The following UBXN4 variants were observed in gnomAD, a reference collection of about 807,000 sequenced individuals.
UBXN4 encodes the protein UBX domain protein 4, also known as UBX domain-containing protein 4.
Under a neutral mutation model 66.2 loss-of-function variants are expected in UBXN4, and 35 were observed. The observed-to-expected ratio is 0.53, with a 90% confidence interval of 0.40 to 0.70. The LOEUF (loss-of-function observed/expected upper bound fraction) is 0.70, where lower values mean the gene tolerates loss of function less well. Ranked by LOEUF, UBXN4 falls within the 30% of genes least tolerant of loss-of-function variation. The pLI, the probability that UBXN4 is intolerant of heterozygous loss-of-function variation, is 0.00. For synonymous variants in UBXN4, 203 were observed against 204.5 expected (o/e 0.99, Z 0.06); for missense variants, 533 against 599.8 (o/e 0.89, Z 1.16).
At chr2:135,758,558 C>T (rs4954604) in intron 5 of UBXN4, among the ~76,000 whole-genome samples, 148,251 of 152,094 alleles carry the variant, frequency 0.97, 72,360 homozygotes, top group East Asian at 1. Context: ...TTCAAACATA[C>T]ATAGAAGTAG....
chr2:135,750,130 A>G (rs2077232897), intron 2 of UBXN4, among the ~76,000 whole-genome samples: 1 of 152,208 alleles, frequency 6.6e-6, no homozygotes, highest in Non-Finnish European at 1.5e-5. Context: ...ATCATTACCT[A>G]AAAACATTAT....
intron 1 of UBXN4, 111 bp from the exon 2 acceptor site, chr2:135,748,156 A>G: frequency 1.4e-6 from 1 of 713,284 alleles, no homozygotes. Flanking sequence ...ATTTGGCAGA[A>G]AGTGGTATAG....
At chr2:135,780,490 G>T (rs2077443185) in intron 12 of UBXN4, 105 bp downstream of exon 12, 3 of 1,007,934 alleles carry the variant, frequency 3.0e-6, no homozygotes, top group Admixed American at 2.1e-5. Context: ...GTCCTCTCCA[G>T]TTCCCACGGT....
chr2:135,742,113 G>A (rs892699751), intron 1 of UBXN4, 102 bp downstream of exon 1: 2 of 1,356,638 alleles, frequency 1.5e-6, no homozygotes, highest in African/African-American at 2.9e-5. Context: ...CGAGACGCGG[G>A]CTCCTGTCGG....
At chr2:135,743,981 CTCTG>C (rs2077192847) in intron 1 of UBXN4, among the ~76,000 whole-genome samples, 3 of 152,136 alleles carry the variant, frequency 2.0e-5, no homozygotes, top group Admixed American at 6.5e-5. Flanking sequence ...ACAAAGGAGT[CTCTG>C]TCTGTCCCTT....
Position 135,742,329 on chromosome 2 carries a change from G to A in UBXN4, c.82+318G>A, listed in dbSNP as rs1397236186. 2.6e-5 allele frequency among the ~76,000 whole-genome samples: 4 copies of A among 152,152 alleles called. No individual in the cohort carries two copies. In the East Asian group the frequency reaches 5.9e-4, roughly 22 times the overall value. Reference sequence around the variant, plus strand: ...GGTTCGTTTGAGATACAGTGGGCCTGGCCCCACCGCTGCGTCTCCCGGCAG... The same window carrying A: ...GGTTCGTTTGAGATACAGTGGGCCTAGCCCCACCGCTGCGTCTCCCGGCAG... On this transcript the variant is annotated intron_variant, in intron 1 of 12. Transcript: ENST00000272638.
At chr2:135,742,303 CG>C (rs1231516563) in intron 1 of UBXN4, among the ~76,000 whole-genome samples, 1 of 152,170 alleles carries the variant, frequency 6.6e-6, no homozygotes, top group Admixed American at 6.5e-5. Flanking sequence ...AGCGCCTCCC[CG>C]GTTCGTTTGA....
chr2:135,783,539 C>G lies in UBXN4; in HGVS notation c.*652C>G, dbSNP rs2077462939. The G allele has an allele frequency of 6.6e-6, 1 of 151,912 alleles. No homozygotes were observed. The highest frequency in any genetic ancestry group is 2.4e-5 in the African/African-American group (1 of 41,332). 9.4% of individuals were successfully genotyped at this position (151,912 alleles called of 1,614,324 possible). ...CCCTGGAGCTGTCTCTGGAAAGTAG[C>G]TGGCGAGGTTACCTTAACTATCACT... On this transcript the variant is annotated 3_prime_UTR_variant, in exon 13 of 13. Transcript: ENST00000272638.
rs893359730 is a variant in UBXN4 at position 135,783,245 on chromosome 2, A to G, written c.*358A>G. Reference sequence around the variant, plus strand: ...CTTTGCTCCAAGACTCTTAAGCCCAAAGTAACTGGTATGTCACTGAGTAAC... The same window carrying G: ...CTTTGCTCCAAGACTCTTAAGCCCAGAGTAACTGGTATGTCACTGAGTAAC... On this transcript the variant is annotated 3_prime_UTR_variant, in exon 13 of 13. Transcript: ENST00000272638. 1 of 158,952 alleles carries G rather than the reference A, an allele frequency of 6.3e-6. No individual in the cohort carries two copies. 9.8% of individuals were successfully genotyped at this position (158,952 alleles called of 1,614,324 possible). A position where few individuals can be genotyped will look rare whatever the true frequency, so the allele number is the denominator to read the frequency against.
chr2:135,753,428 G>A (rs1033033259), intron 2 of UBXN4, 111 bp from the exon 3 acceptor site: 7 of 792,874 alleles, frequency 8.8e-6, no homozygotes, highest in Non-Finnish European at 9.3e-6. Flanking sequence ...GAAAGAAACT[G>A]GTAGTTGCAG....
intron 6 of UBXN4, among the ~76,000 whole-genome samples, chr2:135,767,746 T>C (rs2077357060): frequency 6.6e-6 from 1 of 152,230 alleles, no homozygotes; most frequent in East Asian, 1.9e-4. Context: ...TTGGTGAACA[T>C]GTGTACACAT....
chr2:135,745,874 A>ACTTTTTTTT (rs2077204199), intron 1 of UBXN4, among the ~76,000 whole-genome samples: 1 of 13,904 alleles, frequency 7.2e-5, no homozygotes, highest in African/African-American at 1.5e-4. Flanking sequence ...AGTCCCGTTT[A>ACTTTTTTTT]CTTTTTTTTT....
intron 9 of UBXN4, among the ~76,000 whole-genome samples, chr2:135,774,799 T>G (rs1462084641): frequency 6.6e-6 from 1 of 150,860 alleles, no homozygotes; most frequent in Non-Finnish European, 1.5e-5. Context: ...GAACCGAGAT[T>G]GCGCCACTGC....
Position 135,753,535 on chromosome 2 carries a change from A to G in UBXN4, c.186-4A>G, listed in dbSNP as rs376782795. 2 of 1,525,416 alleles carry G rather than the reference A, an allele frequency of 1.3e-6. No individual in the cohort carries two copies. 94.5% of individuals were successfully genotyped at this position (1,525,416 alleles called of 1,614,324 possible). A position where few individuals can be genotyped will look rare whatever the true frequency, so the allele number is the denominator to read the frequency against. Reference sequence around the variant, plus strand: ...TAGTGATTTTGTTTGATTTTGTTTTACAGTGAAGCCTGCCTACAGTTTTCA... The same window carrying G: ...TAGTGATTTTGTTTGATTTTGTTTTGCAGTGAAGCCTGCCTACAGTTTTCA... On this transcript the variant is annotated splice_region_variant and splice_polypyrimidine_tract_variant and intron_variant, in intron 2 of 12. Coordinates refer to ENST00000272638, the MANE Select transcript of UBXN4 (RefSeq NM_014607.4).
chr2:135,761,462 C>T (rs921238556), intron 5 of UBXN4, among the ~76,000 whole-genome samples: 1 of 152,156 alleles, frequency 6.6e-6, no homozygotes, highest in South Asian at 2.1e-4. Context: ...GTTCAACAGC[C>T]GCTTGTCTAG....
chr2:135,749,553 T>C (rs776680620), intron 2 of UBXN4, among the ~76,000 whole-genome samples: 3 of 152,172 alleles, frequency 2.0e-5, no homozygotes, highest in Non-Finnish European at 4.4e-5. Context: ...CCATTTCCAC[T>C]CAATCCAAAT....
chr2:135,760,160 C>T (rs1005991753), intron 5 of UBXN4, among the ~76,000 whole-genome samples: 1 of 151,990 alleles, frequency 6.6e-6, no homozygotes, highest in Non-Finnish European at 1.5e-5. Context: ...ACACATGGGC[C>T]AGGTACAATG....
intron 1 of UBXN4, among the ~76,000 whole-genome samples, chr2:135,745,067 A>G (rs907546916): frequency 6.6e-6 from 1 of 152,196 alleles, no homozygotes; most frequent in African/African-American, 2.4e-5. Context: ...ACGTGATATC[A>G]CTGTTTAGAT....
At chr2:135,761,740 C>CTA in intron 5 of UBXN4, 78 bp from the exon 6 acceptor site, 1 of 1,210,974 alleles carries the variant, frequency 8.3e-7, no homozygotes, top group Non-Finnish European at 1.1e-6. Context: ...TTAACAGATG[C>CTA]TATAATCTGA....
Sources: gnomAD v4.1 joint callset for allele counts (sites outside exome capture counted in the v4.1 genomes callset) on GRCh38, gnomAD v4.1.1 for gene constraint, MANE v1.5 for transcripts, NCBI Gene and HGNC (gene_info 2026-07-23, HGNC 2026-07-21) for gene names.